TBC1D5: variants seen among roughly 807,000 people sequenced by gnomAD.
TBC1D5 encodes TBC1 domain family, member 5.
TBC1D5 carries 75 observed loss-of-function variants against 100.3 expected under a neutral mutation model. The observed-to-expected ratio is 0.75, with a 90% confidence interval of 0.62 to 0.91. The LOEUF (loss-of-function observed/expected upper bound fraction) is 0.91. Ranked by LOEUF, TBC1D5 falls within the 40% of genes least tolerant of loss-of-function variation. The pLI is 0.00. For missense variants in TBC1D5, 910 were observed against 942.4 expected, an observed-to-expected ratio of 0.97 and a Z score of 0.45; for synonymous variants, 323 against 325.6, an observed-to-expected ratio of 0.99 and a Z score of 0.09.
At chr3:17,286,576 C>T (rs527314902) in intron 15 of TBC1D5, among the ~76,000 whole-genome samples, 42 of 152,242 alleles carry the variant, frequency 2.8e-4, no homozygotes, top group African/African-American at 8.9e-4. Flanking sequence ...GAGCTAAGTA[C>T]AGAAGTTGTA....
chr3:17,650,476 CAAT>C (rs2065438784), intron 1 of TBC1D5, among the ~76,000 whole-genome samples: 2 of 151,872 alleles, frequency 1.3e-5, no homozygotes, highest in African/African-American at 2.4e-5. Flanking sequence ...TAAATTTCAA[CAAT>C]AATATAACAA....
At chr3:17,637,331 C>G (rs1411128678) in intron 1 of TBC1D5, among the ~76,000 whole-genome samples, 1 of 150,526 alleles carries the variant, frequency 6.6e-6, no homozygotes, top group Non-Finnish European at 1.5e-5. Context: ...CGTGAGCCAC[C>G]ACACCTGGCC....
chr3:17,600,826 G>A (rs575490852), intron 2 of TBC1D5, among the ~76,000 whole-genome samples: 1 of 152,168 alleles, frequency 6.6e-6, no homozygotes, highest in South Asian at 2.1e-4. Context: ...GAAAGACCGG[G>A]CGGGGGAAAA....
intron 15 of TBC1D5, among the ~76,000 whole-genome samples, chr3:17,279,018 A>C (rs1487322516): frequency 6.6e-6 from 1 of 152,226 alleles, no homozygotes; most frequent in East Asian, 1.9e-4. Flanking sequence ...CCACATCATG[A>C]ATTTCTTTGA....
At chr3:17,706,157 G>C in intron 1 of TBC1D5, 1 of 1,583,298 alleles carries the variant, frequency 6.3e-7, no homozygotes, top group African/African-American at 1.4e-5. Context: ...AGTTGATGGG[G>C]GAGACATCGG....
At chr3:17,527,177 G>C (rs778862725) in intron 2 of TBC1D5, among the ~76,000 whole-genome samples, 9 of 152,190 alleles carry the variant, frequency 5.9e-5, no homozygotes, top group Non-Finnish European at 1.3e-4. Context: ...CCTAGGGATA[G>C]AGAAAGATGG....
Position 17,558,872 on chromosome 3 carries a change from T to G in TBC1D5, c.-35-50267A>C, listed in dbSNP as rs142958149. Among the ~76,000 whole-genome samples the G allele has an allele frequency of 2.0e-5, 3 of 152,254 alleles. No homozygotes were observed. The East Asian group carries it at 5.8e-4, about 29-fold the overall frequency. On this transcript the variant is annotated intron_variant, in intron 2 of 21. Coordinates refer to ENST00000253692, the Ensembl canonical transcript of TBC1D5. Reference sequence around the variant, plus strand: ...GAATTTTTTAAACTGCTTAAAAACATAAAACCATTCTTGGTTTGTAGGTTG... The same window carrying G: ...GAATTTTTTAAACTGCTTAAAAACAGAAAACCATTCTTGGTTTGTAGGTTG...
chr3:17,194,953 G>A (rs2070454954), intron 18 of TBC1D5, among the ~76,000 whole-genome samples: 2 of 152,214 alleles, frequency 1.3e-5, no homozygotes, highest in Admixed American at 6.5e-5. Context: ...TAAATATACT[G>A]GAAATTGAAA....
At chr3:17,572,691 T>C (rs554651063) in intron 2 of TBC1D5, among the ~76,000 whole-genome samples, 3 of 152,180 alleles carry the variant, frequency 2.0e-5, no homozygotes, top group Admixed American at 2.0e-4. Flanking sequence ...TACATAGAGA[T>C]GTCAAATTCG....
intron 2 of TBC1D5, among the ~76,000 whole-genome samples, chr3:17,566,652 T>G (rs1231598237): frequency 6.6e-6 from 1 of 151,876 alleles, no homozygotes; most frequent in African/African-American, 2.4e-5. Context: ...CCTAAAATTT[T>G]AAGCCCTCCT....
At chr3:17,182,045 CATA>C (rs1474923571) in intron 19 of TBC1D5, among the ~76,000 whole-genome samples, 21 of 152,160 alleles carry the variant, frequency 1.4e-4, no homozygotes, top group Non-Finnish European at 2.8e-4. Flanking sequence ...CTTAAGAAGC[CATA>C]ATATGTTAAA....
chr3:17,320,239 G>T (rs1455567764), intron 13 of TBC1D5, among the ~76,000 whole-genome samples: 1 of 152,170 alleles, frequency 6.6e-6, no homozygotes, highest in Non-Finnish European at 1.5e-5. Flanking sequence ...GGGGAATTTG[G>T]GAAAACTGTA....
intron 1 of TBC1D5, among the ~76,000 whole-genome samples, chr3:17,693,063 T>C (rs374936432): frequency 7.9e-5 from 12 of 152,182 alleles, no homozygotes; most frequent in African/African-American, 2.9e-4. Context: ...AAGGCTCTCA[T>C]CAGATGTGAA....
At chr3:17,363,384 A>C (rs1227238551) in intron 13 of TBC1D5, among the ~76,000 whole-genome samples, 1 of 152,042 alleles carries the variant, frequency 6.6e-6, no homozygotes, top group East Asian at 1.9e-4. Context: ...CATTGAGCAA[A>C]ATTTTCTCTA....
chr3:17,192,512 C>T (rs1047864646), intron 18 of TBC1D5, among the ~76,000 whole-genome samples: 1 of 152,088 alleles, frequency 6.6e-6, no homozygotes, highest in Non-Finnish European at 1.5e-5. Context: ...CTAGAAATAA[C>T]GTGATTCTTA....
chr3:17,695,625 T>C (rs1391248284), intron 1 of TBC1D5, among the ~76,000 whole-genome samples: 2 of 152,150 alleles, frequency 1.3e-5, no homozygotes, highest in Non-Finnish European at 2.9e-5. Context: ...ACAAAGAGAC[T>C]TAGACTCCCA....
At chr3:17,277,371 C>T (rs1432782932) in intron 15 of TBC1D5, among the ~76,000 whole-genome samples, 1 of 152,010 alleles carries the variant, frequency 6.6e-6, no homozygotes, top group Non-Finnish European at 1.5e-5. Context: ...TTTTTTCTTA[C>T]TGTCTTTCAC....
At chr3:17,694,254 T>C (rs766258908) in intron 1 of TBC1D5, among the ~76,000 whole-genome samples, 3 of 152,228 alleles carry the variant, frequency 2.0e-5, no homozygotes, top group Non-Finnish European at 4.4e-5. Flanking sequence ...CTTTGACAAG[T>C]TGACAGAAGT....
chr3:17,267,340 T>A (rs2078955695), intron 15 of TBC1D5, among the ~76,000 whole-genome samples: 1 of 152,054 alleles, frequency 6.6e-6, no homozygotes, highest in Non-Finnish European at 1.5e-5. Context: ...GTTGGCTCTT[T>A]TCAGTAGTAC....
Sources: allele counts gnomAD v4.1 joint callset (sites outside exome capture counted in the v4.1 genomes callset), GRCh38; gene constraint gnomAD v4.1.1; transcripts MANE v1.5; gene names NCBI Gene and HGNC (gene_info 2026-07-23, HGNC 2026-07-21).